NECTIN1: variants seen among roughly 807,000 people sequenced by gnomAD.
The protein encoded by NECTIN1 is nectin-1.
NECTIN1 carries 23 observed loss-of-function variants against 48.0 expected under a neutral mutation model. The observed-to-expected ratio is 0.48, with a 90% CI of 0.34 to 0.68. The LOEUF (loss-of-function observed/expected upper bound fraction) is 0.68, where lower values mean the gene tolerates loss of function less well. Ranked by LOEUF, NECTIN1 falls within the 30% of genes least tolerant of loss-of-function variation. NECTIN1 has a pLI of 0.01. For missense variants in NECTIN1, 591 were observed against 709.9 expected, an observed-to-expected ratio of 0.83 and a Z score of 1.90; for synonymous variants, 270 against 288.9, an observed-to-expected ratio of 0.93 and a Z score of 0.66.
chr11:119,689,524 G>C (rs1476623596), intron 1 of NECTIN1, among the ~76,000 whole-genome samples: 2 of 152,260 alleles, frequency 1.3e-5, no homozygotes, highest in Non-Finnish European at 2.9e-5. Flanking sequence ...GAGCTGCAAA[G>C]TGAGGGACTA....
In NECTIN1 at chr11:119,710,869, T is replaced by C. The variant is rs183936831; in HGVS notation, c.79+17606A>G. Among the ~76,000 whole-genome samples, 483 of 152,140 alleles carry C rather than the reference T, an allele frequency of 3.2e-3. 3 individuals carry two copies. The highest frequency in any genetic ancestry group is 5.7e-3 in the Non-Finnish European group (389 of 67,992). ...CGTGCCATCACACAGCGCCCGCCTG[T>C]CAAACCACACATCCACGCACAACTT... On this transcript the variant is annotated intron_variant, in intron 1 of 5. Transcript: ENST00000264025.
At chr11:119,647,160 CATGTGTGTGTGTGTGTGTGTGT>C (rs1362380003) in intron 5 of NECTIN1, among the ~76,000 whole-genome samples, 18 of 71,358 alleles carry the variant, frequency 2.5e-4, no homozygotes, top group African/African-American at 9.1e-4. Flanking sequence ...GCTTGCGGCG[CATGTGTGTGTGTGTGTGTGTGT>C]GTGTGTGTGT....
chr11:119,658,498 C>CTGTG (rs906999134), downstream of NECTIN1, among the ~76,000 whole-genome samples: 34 of 152,322 alleles, frequency 2.2e-4, no homozygotes, highest in African/African-American at 7.9e-4. Context: ...GAGCCTCCAG[C>CTGTG]TGTGGGCACC....
In NECTIN1 at chr11:119,726,064, T is replaced by TA. The variant is rs1865902553; in HGVS notation, c.79+2410_79+2411insT. Among the ~76,000 whole-genome samples, 7 of 152,326 alleles carry TA rather than the reference T, an allele frequency of 4.6e-5. No homozygotes were observed. The South Asian group carries it at 1.2e-3, about 27-fold the overall frequency. On this transcript the variant is annotated intron_variant, in intron 1 of 5. Transcript: ENST00000264025. ...GAAAACATACTTCTGTGTTTACACT[T>TA]CAATAGCCAGATTGGGAGTGTTTTG... is the stretch of plus-strand genomic sequence containing the variant.
At position 119,661,372 on chromosome 11, in the gene NECTIN1, G is replaced by A; in HGVS notation, c.*3375C>T. 1 of 986,554 alleles carries A rather than the reference G, an allele frequency of 1.0e-6. No homozygotes were observed. Among genetic ancestry groups the A allele is most frequent in the Non-Finnish European group, 1.2e-6 (1 of 830,490 alleles). 61.1% of individuals were successfully genotyped at this position (986,554 alleles called of 1,614,324 possible). On this transcript the variant is annotated 3_prime_UTR_variant, in exon 6 of 6. Transcript: ENST00000264025. Reference sequence around the variant, plus strand: ...AGTGTTGGCAGCAGTGGCAGCAGCAGAGGGGCCTGCCTCCTGGCATCCCCG... The same window carrying A: ...AGTGTTGGCAGCAGTGGCAGCAGCAAAGGGGCCTGCCTCCTGGCATCCCCG...
rs1363291418 is a variant in NECTIN1 at position 119,677,665 on chromosome 11, A to T, written c.623T>A (p.Ile208Asn). The T allele has an allele frequency of 1.2e-6, 2 of 1,614,078 alleles. No homozygotes were observed. Among genetic ancestry groups the T allele is most frequent in the African/African-American group, 2.7e-5 (2 of 75,012 alleles). ...GCTGGGCACCAGGCGGTAGCGGCTGATGACCGTCACTGTGCCATTGGGGTT... is the reference window on the plus strand; with the variant it reads ...GCTGGGCACCAGGCGGTAGCGGCTGTTGACCGTCACTGTGCCATTGGGGTT... The part of the protein sequence containing the change: ...IRNPNGTVTV[I>N]SRYRLVPSRE... Residue 208 changes from isoleucine (I) to asparagine (N), a missense_variant, in exon 3 of 6, where the codon ATC becomes AAC. Coordinates refer to ENST00000264025, the MANE Select transcript of NECTIN1 (RefSeq NM_002855.5). The surrounding 1 kb of genome is among the most constrained non-coding windows in gnomAD (Gnocchi z 5.4).
In NECTIN1 at chr11:119,645,449, G is replaced by C. The variant is rs181319796; in HGVS notation, c.1004-5437C>G. Reference sequence around the variant, plus strand: ...GAGAACCCAGGACCCCATCCACAGGGACAGGAAGCTTCTGACTTCATAGGC... The same window carrying C: ...GAGAACCCAGGACCCCATCCACAGGCACAGGAAGCTTCTGACTTCATAGGC... On this transcript the variant is annotated intron_variant, in intron 5 of 7. Coordinates refer to the NECTIN1 transcript ENST00000341398. Among the ~76,000 whole-genome samples, 92 of 152,252 alleles carry C rather than the reference G, an allele frequency of 6.0e-4. 2 individuals are homozygous for C. In the East Asian group the frequency reaches 0.016, roughly 27 times the overall value.
chr11:119,696,301 G>A (rs542633426), intron 1 of NECTIN1, among the ~76,000 whole-genome samples: 11 of 152,278 alleles, frequency 7.2e-5, no homozygotes, highest in African/African-American at 9.6e-5. Context: ...AGTGCTCAGC[G>A]ACTCAGGCTG....
intron 5 of NECTIN1, chr11:119,642,983 A>G (rs112881548): frequency 5.6e-4 from 86 of 153,852 alleles, no homozygotes; most frequent in African/African-American, 2.0e-3. Flanking sequence ...GGTTGACTGT[A>G]TAAGAAGTGA....
At chr11:119,640,144 A>G (rs762616169) in intron 5 of NECTIN1, 1 of 989,138 alleles carries the variant, frequency 1.0e-6, no homozygotes, top group Non-Finnish European at 1.5e-6. Flanking sequence ...TCCCCTCCCC[A>G]TGGTGCTCCA....
At chr11:119,642,291 C>T (rs898603794) in intron 5 of NECTIN1, 7 of 152,200 alleles carry the variant, frequency 4.6e-5, no homozygotes, top group Non-Finnish European at 1.0e-4. Context: ...CAACTCAAAC[C>T]TATATCCCCT....
chr11:119,689,341 C>G (rs1016446193), intron 1 of NECTIN1, among the ~76,000 whole-genome samples: 1 of 152,194 alleles, frequency 6.6e-6, no homozygotes, highest in Admixed American at 6.5e-5. Flanking sequence ...CATGTGCACA[C>G]GCACCTTCCC....
chr11:119,704,471 C>A (rs1591478123), intron 1 of NECTIN1, among the ~76,000 whole-genome samples: 1 of 152,170 alleles, frequency 6.6e-6, no homozygotes, highest in African/African-American at 2.4e-5. Context: ...CCCGCCTCGG[C>A]CTCCCAAAGT....
chr11:119,724,712 CCTT>C (rs1024333033), intron 1 of NECTIN1, among the ~76,000 whole-genome samples: 8 of 152,196 alleles, frequency 5.3e-5, no homozygotes, highest in African/African-American at 1.9e-4. Context: ...AGCACATACA[CCTT>C]CTACTCCTAG....
At chr11:119,718,456 C>T (rs540195106) in intron 1 of NECTIN1, among the ~76,000 whole-genome samples, 108 of 152,340 alleles carry the variant, frequency 7.1e-4, no homozygotes, top group Non-Finnish European at 1.2e-3. Context: ...CCCATCCACA[C>T]TCCCTAGTAG....
At chr11:119,680,232 C>A (rs538751257) in intron 1 of NECTIN1, among the ~76,000 whole-genome samples, 5 of 152,226 alleles carry the variant, frequency 3.3e-5, no homozygotes, top group Admixed American at 1.3e-4. Context: ...TAACGTGGGG[C>A]GGTTGTCCTC....
chr11:119,662,349 C>T lies in NECTIN1; in HGVS notation c.*2398G>A. ...TGCTGACTCCTGCCTCATGCCCACC[C>T]TCAGCCCAGGCTGGCAGCTGCTCGG... On this transcript the variant is annotated 3_prime_UTR_variant, in exon 6 of 6. Transcript: ENST00000264025. This position sits in a 1 kb window ranked among gnomAD's most constrained non-coding sequence, Gnocchi z 5.3. 1 of 985,852 alleles carries T rather than the reference C, an allele frequency of 1.0e-6. No homozygotes were observed. Among genetic ancestry groups the T allele is most frequent in the Non-Finnish European group, 1.2e-6 (1 of 829,936 alleles). 61.1% of individuals were successfully genotyped at this position (985,852 alleles called of 1,614,324 possible).
intron 1 of NECTIN1, among the ~76,000 whole-genome samples, chr11:119,700,881 C>G (rs1298892786): frequency 6.6e-6 from 1 of 152,112 alleles, no homozygotes; most frequent in African/African-American, 2.4e-5. Context: ...AGGCTCTTGC[C>G]CAAGTCAAAG....
intron 1 of NECTIN1, among the ~76,000 whole-genome samples, chr11:119,711,942 G>A (rs1479280418): frequency 3.3e-5 from 5 of 152,214 alleles, no homozygotes; most frequent in Admixed American, 6.5e-5. Context: ...GTGGTGCTAG[G>A]ATTGGGGAGG....
Sources: gnomAD v4.1 joint callset for allele counts (sites outside exome capture counted in the v4.1 genomes callset) on GRCh38, gnomAD v4.1.1 for gene constraint, Gnocchi (gnomAD v3.1) non-coding constraint, MANE v1.5 for transcripts, NCBI Gene and HGNC (gene_info 2026-07-23, HGNC 2026-07-21) for gene names.